ANO3: variants seen among roughly 807,000 people sequenced by gnomAD.
The protein encoded by ANO3 is anoctamin 3, also known as anoctamin-3.
In ANO3, 99 loss-of-function variants were observed where a neutral mutation model predicts 144.8. The ratio of observed to expected loss-of-function variants is 0.68; its 90% CI spans 0.58 to 0.81. The LOEUF is 0.81. Among genes scored for constraint, ANO3 ranks in the 30% least tolerant of loss-of-function variants. The pLI, the probability that ANO3 is intolerant of heterozygous loss-of-function variation, is 0.00. For synonymous variants in ANO3, 414 were observed against 392.6 expected, an observed-to-expected ratio of 1.05 and a Z score of -0.64; for missense variants, 905 against 1,202.2, an observed-to-expected ratio of 0.75 and a Z score of 3.66.
At chr11:26,260,878 G>A (rs1033450835) in intron 1 of ANO3, among the ~76,000 whole-genome samples, 2 of 152,180 alleles carry the variant, frequency 1.3e-5, no homozygotes, top group Non-Finnish European at 2.9e-5. Context: ...CCCATGGTTG[G>A]TAGATCTGTG....
chr11:26,599,072 T>A, intron 16 of ANO3, 74 bp downstream of exon 16: 2 of 1,470,466 alleles, frequency 1.4e-6, no homozygotes, highest in Non-Finnish European at 1.9e-6. Flanking sequence ...TACCAACTCA[T>A]TTTGTGACGT....
intron 20 of ANO3, among the ~76,000 whole-genome samples, chr11:26,636,182 A>T (rs149448837): frequency 7.3e-4 from 111 of 152,334 alleles, no homozygotes; most frequent in African/African-American, 2.6e-3. Flanking sequence ...CTTGGGTGAG[A>T]GACCAAGACT....
chr11:26,263,384 C>T (rs117546670), intron 1 of ANO3, among the ~76,000 whole-genome samples: 3,048 of 152,258 alleles, frequency 0.02, 62 homozygotes, highest in East Asian at 0.12. Flanking sequence ...AGTTCAGGTC[C>T]GTACCTGACA....
At chr11:26,224,178 C>A (rs1590202539) in intron 1 of ANO3, among the ~76,000 whole-genome samples, 1 of 152,122 alleles carries the variant, frequency 6.6e-6, no homozygotes, top group Non-Finnish European at 1.5e-5. Flanking sequence ...TCTCGGTAAC[C>A]AAGGATGTGC....
At chr11:26,425,942 T>C (rs1167099888) in intron 1 of ANO3, among the ~76,000 whole-genome samples, 1 of 152,178 alleles carries the variant, frequency 6.6e-6, no homozygotes, top group African/African-American at 2.4e-5. Flanking sequence ...TTGGAATATA[T>C]ATTCCCTCTG....
intron 1 of ANO3, among the ~76,000 whole-genome samples, chr11:26,271,544 A>G (rs753004531): frequency 6.6e-6 from 1 of 152,086 alleles, no homozygotes; most frequent in African/African-American, 2.4e-5. Context: ...ATTTGTATTT[A>G]TTTCTTTTAT....
intron 1 of ANO3, among the ~76,000 whole-genome samples, chr11:26,253,949 G>A (rs1821236786): frequency 6.6e-6 from 1 of 152,072 alleles, no homozygotes; most frequent in South Asian, 2.1e-4. Context: ...ACAGGGTCCA[G>A]GATTTTAGTT....
intron 1 of ANO3, among the ~76,000 whole-genome samples, chr11:26,372,428 A>G (rs1202839769): frequency 6.6e-6 from 1 of 152,186 alleles, no homozygotes; most frequent in Non-Finnish European, 1.5e-5. Context: ...CTTTCTGTCC[A>G]TTTCATAATG....
intron 4 of ANO3, among the ~76,000 whole-genome samples, chr11:26,469,071 C>T (rs1011185635): frequency 9.9e-5 from 15 of 151,900 alleles, no homozygotes; most frequent in Middle Eastern, 3.2e-3. Context: ...GTAATCTCGT[C>T]CTGTTTTCAG....
chr11:26,436,618 C>G (rs1334373704), intron 1 of ANO3, among the ~76,000 whole-genome samples: 7 of 151,812 alleles, frequency 4.6e-5, no homozygotes, highest in Admixed American at 4.6e-4. Flanking sequence ...TCAGGAGGTC[C>G]TACCCAGTGA....
intron 17 of ANO3, among the ~76,000 whole-genome samples, chr11:26,612,390 T>C (rs1852124968): frequency 6.6e-6 from 1 of 151,856 alleles, no homozygotes; most frequent in Non-Finnish European, 1.5e-5. Flanking sequence ...CATAGGCTCT[T>C]TCCCTCCCCC....
At chr11:26,319,012 T>C (rs74382958) in intron 1 of ANO3, among the ~76,000 whole-genome samples, 8,845 of 152,136 alleles carry the variant, frequency 0.058, 476 homozygotes, top group African/African-American at 0.14. Flanking sequence ...GGTCTTACTC[T>C]GTTGCCCAGG....
At chr11:26,603,362 C>T (rs1011049815) in intron 17 of ANO3, among the ~76,000 whole-genome samples, 1 of 151,884 alleles carries the variant, frequency 6.6e-6, no homozygotes, top group Non-Finnish European at 1.5e-5. Context: ...AGCTTATATT[C>T]TATTCAACTC....
chr11:26,307,892 A>T (rs2133868228), upstream of ANO3, among the ~76,000 whole-genome samples: 2 of 152,086 alleles, frequency 1.3e-5, no homozygotes, highest in Non-Finnish European at 2.9e-5. Context: ...AGGCTTCTCT[A>T]ACCCCATTTT....
At chr11:26,302,733 A>T (rs966048249) in intron 1 of ANO3, among the ~76,000 whole-genome samples, 1 of 152,202 alleles carries the variant, frequency 6.6e-6, no homozygotes, top group Non-Finnish European at 1.5e-5. Flanking sequence ...AGCACTTTTA[A>T]TATTCTGTAA....
At chr11:26,420,471 A>G (rs944927357) in intron 1 of ANO3, among the ~76,000 whole-genome samples, 7 of 152,152 alleles carry the variant, frequency 4.6e-5, no homozygotes, top group African/African-American at 1.4e-4. Context: ...CAGTGTTCTC[A>G]TGAACTGTAG....
intron 14 of ANO3, among the ~76,000 whole-genome samples, chr11:26,566,496 A>T (rs1267471490): frequency 6.6e-6 from 1 of 151,978 alleles, no homozygotes; most frequent in Non-Finnish European, 1.5e-5. Context: ...ATAACTCATG[A>T]ATTTGAATGT....
At chr11:26,236,537 G>T (rs1219247469) in intron 1 of ANO3, among the ~76,000 whole-genome samples, 1 of 151,928 alleles carries the variant, frequency 6.6e-6, no homozygotes. Context: ...TCTAAAAATC[G>T]GCCGGGGGCC....
At chr11:26,245,491 G>A (rs1852770387) in intron 1 of ANO3, among the ~76,000 whole-genome samples, 2 of 151,946 alleles carry the variant, frequency 1.3e-5, no homozygotes, top group Admixed American at 1.3e-4. Context: ...TCTTATGTAA[G>A]GTATAGCTTT....
Sources: gnomAD v4.1 joint callset for allele counts (sites outside exome capture counted in the v4.1 genomes callset) on GRCh38, gnomAD v4.1.1 for gene constraint, MANE v1.5 for transcripts, NCBI Gene and HGNC (gene_info 2026-07-23, HGNC 2026-07-21) for gene names.